The following NAV3 variants were observed in gnomAD, a reference collection of about 807,000 sequenced individuals.
NAV3 encodes the protein pore membrane and/or filament interacting like protein 1.
NAV3 carries 87 observed loss-of-function variants against 244.7 expected under a neutral mutation model. That is an observed-to-expected ratio of 0.36 (90% CI 0.30 to 0.42). The LOEUF is 0.42. Among genes scored for constraint, NAV3 ranks in the 20% least tolerant of loss-of-function variants. The pLI, the probability that NAV3 is intolerant of heterozygous loss-of-function variation, is 1.00. For synonymous variants in NAV3, 1,126 were observed against 1,042.2 expected (o/e 1.08, Z -1.55); for missense variants, 2,663 against 2,893.3 (o/e 0.92, Z 1.83).
intron 2 of NAV3, among the ~76,000 whole-genome samples, chr12:77,723,443 C>A (rs1241592924): frequency 2.0e-5 from 3 of 151,888 alleles, no homozygotes; most frequent in African/African-American, 4.8e-5. Context: ...CTACATGGAG[C>A]CACTGAGCAG....
intron 1 of NAV3, among the ~76,000 whole-genome samples, chr12:77,869,631 T>G (rs1333572375): frequency 6.6e-6 from 1 of 152,202 alleles, no homozygotes; most frequent in African/African-American, 2.4e-5. Context: ...CTTTACTTTC[T>G]CAGGGCCAGC....
At chr12:77,801,558 C>G (rs924419922) in intron 2 of NAV3, among the ~76,000 whole-genome samples, 3 of 151,950 alleles carry the variant, frequency 2.0e-5, no homozygotes, top group African/African-American at 7.2e-5. Context: ...AATAATATGT[C>G]TTTTCATTCT....
chr12:77,758,261 G>T (rs1040001325), intron 2 of NAV3, among the ~76,000 whole-genome samples: 1 of 151,786 alleles, frequency 6.6e-6, no homozygotes, highest in South Asian at 2.1e-4. Flanking sequence ...CACCTGACAC[G>T]CATATTTGTT....
At chr12:77,741,198 T>C (rs1868329414) in intron 2 of NAV3, among the ~76,000 whole-genome samples, 1 of 134,948 alleles carries the variant, frequency 7.4e-6, no homozygotes, top group Non-Finnish European at 1.6e-5. Flanking sequence ...GAAAATCCAG[T>C]TGGCAAAGAT....
rs777801176 is a variant in NAV3, at chr12:78,122,034, T to A, written c.3844T>A (p.Leu1282Ile). 1 of 1,614,214 alleles carries A rather than the reference T, an allele frequency of 6.2e-7. No homozygotes were observed. The highest frequency in any genetic ancestry group is 1.1e-5 in the South Asian group (1 of 91,086). Residue 1282 changes from leucine to isoleucine, a missense_variant, in exon 16 of 40, where the codon TTA becomes ATA. Leu to Ile is a conservative substitution (Grantham distance 5). Coordinates refer to ENST00000397909, the MANE Select transcript of NAV3 (RefSeq NM_001024383.2). The part of the protein sequence containing the change: ...SSVMPSPSTT[L>I]ARQGSLESPS... ...AGTAATGCCCAGCCCTAGTACCACATTAGCGCGGCAAGGCAGTCTGGAGTC... is the reference window on the plus strand; with the variant it reads ...AGTAATGCCCAGCCCTAGTACCACAATAGCGCGGCAAGGCAGTCTGGAGTC...
intron 23 of NAV3, among the ~76,000 whole-genome samples, chr12:78,165,332 AG>A (rs1957734353): frequency 6.6e-6 from 1 of 152,050 alleles, no homozygotes; most frequent in Non-Finnish European, 1.5e-5. Context: ...TCTTCTCTTT[AG>A]TATTTAATGA....
At chr12:77,878,714 T>G (rs1882199798) in intron 1 of NAV3, among the ~76,000 whole-genome samples, 1 of 151,810 alleles carries the variant, frequency 6.6e-6, no homozygotes, top group Admixed American at 6.6e-5. Flanking sequence ...GTTAATGTGA[T>G]CTGATTGTGA....
At chr12:77,626,091 A>G (rs1871606929) in intron 2 of NAV3, among the ~76,000 whole-genome samples, 1 of 152,174 alleles carries the variant, frequency 6.6e-6, no homozygotes, top group South Asian at 2.1e-4. Flanking sequence ...CAACAAAGAG[A>G]TAGATATCAT....
chr12:77,973,423 CT>C (rs1221376188), intron 5 of NAV3, among the ~76,000 whole-genome samples: 2 of 152,074 alleles, frequency 1.3e-5, no homozygotes, highest in Admixed American at 1.3e-4. Context: ...ATCATATGCC[CT>C]TTTGCTTTTG....
chr12:77,756,856 G>T (rs1869207279), intron 2 of NAV3, among the ~76,000 whole-genome samples: 1 of 152,024 alleles, frequency 6.6e-6, no homozygotes, highest in Non-Finnish European at 1.5e-5. Context: ...ATATATAGTA[G>T]ATTTTATCTT....
At chr12:78,171,665 T>C (rs562796601) in intron 24 of NAV3, among the ~76,000 whole-genome samples, 24 of 151,564 alleles carry the variant, frequency 1.6e-4, no homozygotes, top group Non-Finnish European at 2.2e-4. Flanking sequence ...TGACATTACA[T>C]GGAAAAAATA....
intron 2 of NAV3, among the ~76,000 whole-genome samples, chr12:77,755,521 T>G (rs146872914): frequency 0.021 from 515 of 24,502 alleles, 7 homozygotes; most frequent in African/African-American, 0.064. Context: ...GCCTTTCCTT[T>G]CCTTTCCTTT....
At chr12:78,095,322 CT>C (rs1954193631) in intron 12 of NAV3, among the ~76,000 whole-genome samples, 1 of 151,928 alleles carries the variant, frequency 6.6e-6, no homozygotes, top group African/African-American at 2.4e-5. Flanking sequence ...TCAATTCAAA[CT>C]CAACTCTTGA....
At chr12:77,702,394 T>C (rs1426661911) in intron 2 of NAV3, among the ~76,000 whole-genome samples, 1 of 152,022 alleles carries the variant, frequency 6.6e-6, no homozygotes, top group African/African-American at 2.4e-5. Context: ...TGTTCTTTAT[T>C]GTATCTGACA....
Position 77,952,184 on chromosome 12 carries a change from TCTCA to T in NAV3, c.414+11055_414+11058del, listed in dbSNP as rs369777103. The stretch of plus-strand genomic sequence containing the variant: ...ATTTCTGCTAGTCTGTGGTTTGTCT[TCTCA>T]CTCTTTTGACACTGCTTTACAGGGC... On this transcript the variant is annotated intron_variant, in intron 3 of 39. Transcript: ENST00000397909. Among the ~76,000 whole-genome samples, 519 of 152,270 alleles carry T rather than the reference TCTCA, an allele frequency of 3.4e-3. 1 individual carries two copies. Among genetic ancestry groups the T allele is most frequent in the African/African-American group, 0.01 (423 of 41,558 alleles).
Position 78,117,898 on chromosome 12 carries a change from T to G in NAV3, c.2770-129T>G, listed in dbSNP as rs181090798. ...AATTATGTGGCTAAAATTAATAAAA[T>G]GTAAGTGAAGGTAAATCAAAATAGA... On this transcript the variant is annotated intron_variant, in intron 13 of 39. Transcript: ENST00000397909. The G allele has an allele frequency of 1.9e-4, 177 of 922,658 alleles. No homozygotes were observed. The African/African-American group carries it at 2.8e-3, about 14-fold the overall frequency. 57.2% of individuals were successfully genotyped at this position (922,658 alleles called of 1,614,324 possible). A position where few individuals can be genotyped will look rare whatever the true frequency, so the allele number is the denominator to read the frequency against.
At chr12:77,587,764 A>G (rs1869684416) in intron 2 of NAV3, among the ~76,000 whole-genome samples, 1 of 152,210 alleles carries the variant, frequency 6.6e-6, no homozygotes, top group Non-Finnish European at 1.5e-5. Flanking sequence ...TTTGCCAGGA[A>G]TGTTAAGATT....
chr12:77,741,146 G>GAAAAAAAAAAAAAAAAAAAAAAAAAGA (rs1393220189), intron 2 of NAV3, among the ~76,000 whole-genome samples: 1 of 7,372 alleles, frequency 1.4e-4, no homozygotes, highest in African/African-American at 4.4e-4. Context: ...AAAAAAAAAA[G>GAAAAAAAAAAAAAAAAAAAAAAAAAGA]ACAAAAAAAA....
intron 12 of NAV3, among the ~76,000 whole-genome samples, chr12:78,111,562 A>G (rs300433): frequency 0.8 from 122,002 of 152,020 alleles, 49,315 homozygotes; most frequent in Non-Finnish European, 0.85. Context: ...ATGGTAATGA[A>G]ATACTACTAG....
Sources: gnomAD v4.1 joint callset for allele counts (sites outside exome capture counted in the v4.1 genomes callset) on GRCh38, gnomAD v4.1.1 for gene constraint, MANE v1.5 for transcripts, NCBI Gene and HGNC (gene_info 2026-07-23, HGNC 2026-07-21) for gene names.